Variants in ZNF740 observed in about 807,000 individuals in gnomAD.
ZNF740 encodes zinc finger protein 740.
In ZNF740, 14 loss-of-function variants were observed where a neutral mutation model predicts 24.8. The observed-to-expected ratio is 0.56, with a 90% confidence interval of 0.37 to 0.88. ZNF740 has a LOEUF of 0.88. Ranked by LOEUF, ZNF740 falls within the 40% of genes least tolerant of loss-of-function variation. The pLI, the probability that ZNF740 is intolerant of heterozygous loss-of-function variation, is 0.00. For missense variants in ZNF740, 201 were observed against 247.9 expected, an observed-to-expected ratio of 0.81 and a Z score of 1.27; for synonymous variants, 69 against 84.0, an observed-to-expected ratio of 0.82 and a Z score of 0.98.
In ZNF740 at chr12:53,194,374, G is replaced by C. The variant is rs149878080; in HGVS notation, c.*6784G>C. On this transcript the variant is annotated 3_prime_UTR_variant, in exon 7 of 7. Transcript: ENST00000416904. ...GGGAAGAGAGCGAGTGGATAACCAC[G>C]TGAAGGCAGAAAAGGACTCCAACCC... 2 of 1,611,374 alleles carry C rather than the reference G, an allele frequency of 1.2e-6. No homozygotes were observed. The highest frequency in any genetic ancestry group is 1.7e-6 in the Non-Finnish European group (2 of 1,178,410).
chr12:53,191,243 T>G lies in ZNF740; in HGVS notation c.*3653T>G. The G allele has an allele frequency of 2.8e-6, 1 of 351,270 alleles. No homozygotes were observed. The highest frequency in any genetic ancestry group is 5.5e-6 in the Non-Finnish European group (1 of 182,646). 21.8% of individuals were successfully genotyped at this position (351,270 alleles called of 1,614,324 possible). ...CTGCCCTCAGGTGGCAAGAGGAGGA[T>G]GGACAAGAGCTTTCCCGAGGCCCAG... On this transcript the variant is annotated 3_prime_UTR_variant, in exon 7 of 7. Coordinates refer to ENST00000416904, the MANE Select transcript of ZNF740 (RefSeq NM_001004304.4).
chr12:53,192,882 A>G lies in ZNF740; in HGVS notation c.*5292A>G. ...TGCCCGTGCGGTTGGCATGACAGTG[A>G]CATACTCCACATTGGCAGCGACCAA... On this transcript the variant is annotated 3_prime_UTR_variant, in exon 7 of 7. Transcript: ENST00000416904. 1 of 1,614,160 alleles carries G rather than the reference A, an allele frequency of 6.2e-7. No homozygotes were observed. The highest frequency in any genetic ancestry group is 1.3e-5 in the African/African-American group (1 of 75,060).
chr12:53,181,395 T>G, intron 1 of ZNF740: 6 of 985,206 alleles, frequency 6.1e-6, no homozygotes, highest in Non-Finnish European at 7.2e-6. Context: ...CCCCAAAGGG[T>G]CTCCGCCCCC....
At chr12:53,182,063 C>G (rs1323117266) in intron 2 of ZNF740, 71 bp downstream of exon 2, 1 of 1,568,198 alleles carries the variant, frequency 6.4e-7, no homozygotes, top group Non-Finnish European at 8.7e-7. Context: ...TGAATGCTGC[C>G]TTAGTCAACA....
At chr12:53,184,201 G>A (rs1372828093) in intron 2 of ZNF740, among the ~76,000 whole-genome samples, 1 of 149,246 alleles carries the variant, frequency 6.7e-6, no homozygotes, top group Non-Finnish European at 1.5e-5. Flanking sequence ...GTGTGTGTGT[G>A]AGTGACGGAG....
At chr12:53,182,153 G>T (rs957094206) in intron 2 of ZNF740, 161 bp downstream of exon 2, 14 of 1,004,208 alleles carry the variant, frequency 1.4e-5, no homozygotes, top group Non-Finnish European at 4.4e-6. Context: ...ACAGGCCACA[G>T]CCCCTGCCTT....
intron 2 of ZNF740, among the ~76,000 whole-genome samples, chr12:53,183,167 C>G (rs1039221884): frequency 6.6e-6 from 1 of 152,218 alleles, no homozygotes; most frequent in African/African-American, 2.4e-5. Context: ...GCATTGTATT[C>G]AGTCTTCTGA....
chr12:53,187,868 A>G lies in ZNF740; in HGVS notation c.*278A>G, dbSNP rs949207841. 3 of 447,974 alleles carry G rather than the reference A, an allele frequency of 6.7e-6. No individual in the cohort carries two copies. Among genetic ancestry groups the G allele is most frequent in the African/African-American group, 5.9e-5 (3 of 50,658 alleles). 27.7% of individuals were successfully genotyped at this position (447,974 alleles called of 1,614,324 possible). On this transcript the variant is annotated 3_prime_UTR_variant, in exon 7 of 7. Coordinates refer to ENST00000416904, the MANE Select transcript of ZNF740 (RefSeq NM_001004304.4). ...GGCTGAGGTCATAGGTGGGGACTCA[A>G]GGTACAGGACCAAGACTGAAGTGTG...
In ZNF740 at chr12:53,192,222, G is replaced by T; in HGVS notation, c.*4632G>T. ...CCTCTGCCTTTGTCCTGGATTCACA[G>T]TTCTGCTTCAGCCCCCAGCCTGTTT... On this transcript the variant is annotated 3_prime_UTR_variant, in exon 7 of 7. Coordinates refer to ENST00000416904, the MANE Select transcript of ZNF740 (RefSeq NM_001004304.4). 7.6e-7 allele frequency: 1 copy of T among 1,309,038 alleles called. No individual in the cohort carries two copies. The highest frequency in any genetic ancestry group is 1.1e-6 in the Non-Finnish European group (1 of 931,084). 81.1% of individuals were successfully genotyped at this position (1,309,038 alleles called of 1,614,324 possible).
rs1220463141 is a variant in ZNF740 at position 53,192,589 on chromosome 12, C to T, written c.*4999C>T. On this transcript the variant is annotated 3_prime_UTR_variant, in exon 7 of 7. Transcript: ENST00000416904. ...CCAGCTGGGCAGTTGTCACCCAATG[C>T]CCCTTGCCCAACTACAAGCAGGACG... is the stretch of plus-strand genomic sequence containing the variant. The T allele has an allele frequency of 1.9e-6, 3 of 1,598,270 alleles. No individual in the cohort carries two copies. The South Asian group carries it at 3.3e-5, about 18-fold the overall frequency.
At chr12:53,185,928 A>T (rs759387914) in intron 4 of ZNF740, 26 bp from the exon 5 acceptor site, 10 of 1,612,154 alleles carry the variant, frequency 6.2e-6, no homozygotes, top group Non-Finnish European at 8.5e-6. Context: ...TGGTGGCCTC[A>T]TGACATGCCT....
At chr12:53,181,314 C>T (rs917013964) in intron 1 of ZNF740, 1 of 985,446 alleles carries the variant, frequency 1.0e-6, no homozygotes, top group South Asian at 4.7e-5. Context: ...GGCCCTTGAG[C>T]TTTCCTCCAC....
rs984065782 is a variant in ZNF740 at position 53,187,733 on chromosome 12, C to G, written c.*143C>G. On this transcript the variant is annotated 3_prime_UTR_variant, in exon 7 of 7. Transcript: ENST00000416904. ...GACCCAGGAGACCAGAAGAGTGCAT[C>G]AGGGGACAGTGGCCCCAGAACCTCA... 4.6e-6 allele frequency: 3 copies of G among 650,084 alleles called. No individual in the cohort carries two copies. The highest frequency in any genetic ancestry group is 3.7e-5 in the African/African-American group (2 of 54,674). The allele number at this position is 650,084 out of a possible 1,614,324, so 40.3% of individuals were successfully genotyped here.
At chr12:53,181,160 AG>A (rs1046206051) in intron 1 of ZNF740, 6 of 984,578 alleles carry the variant, frequency 6.1e-6, no homozygotes, top group Non-Finnish European at 7.2e-6. Context: ...GGCCGGAGCG[AG>A]GCGGGCGACA....
In ZNF740 at chr12:53,189,650, G is replaced by C. The variant is rs1409493987; in HGVS notation, c.*2060G>C. On this transcript the variant is annotated 3_prime_UTR_variant, in exon 7 of 7. Transcript: ENST00000416904. The stretch of plus-strand genomic sequence containing the variant: ...CCCATTTGATGTGGTCCAGAACTTA[G>C]ACCTCAGTCCTTGGATCAGCCCTGT... 1 of 152,062 alleles carries C rather than the reference G, an allele frequency of 6.6e-6. No homozygotes were observed. Among genetic ancestry groups the C allele is most frequent in the Non-Finnish European group, 1.5e-5 (1 of 68,036 alleles). The allele number at this position is 152,062 out of a possible 1,614,324, so 9.4% of individuals were successfully genotyped here. A position where few individuals can be genotyped will look rare whatever the true frequency, so the allele number is the denominator to read the frequency against.
rs998219656 is a variant in ZNF740, at chr12:53,181,702, A to C, written c.-282A>C. On this transcript the variant is annotated 5_prime_UTR_variant, in exon 2 of 7. Transcript: ENST00000416904. ...GTTTCTGAAACAGATCGTGAGCTTC[A>C]TCAAGAGAATTCAACTGGAAAACCA... The C allele has an allele frequency of 1.1e-5, 5 of 468,592 alleles. No individual in the cohort carries two copies. The highest frequency in any genetic ancestry group is 1.8e-5 in the Non-Finnish European group (5 of 281,242). The allele number at this position is 468,592 out of a possible 1,614,324, so 29.0% of individuals were successfully genotyped here.
chr12:53,192,546 G>A lies in ZNF740; in HGVS notation c.*4956G>A, dbSNP rs1256919735. On this transcript the variant is annotated 3_prime_UTR_variant, in exon 7 of 7. Transcript: ENST00000416904. The stretch of plus-strand genomic sequence containing the variant: ...CCACACTCTGCACAGTCCCTGTGTA[G>A]TAGATGCCAATAGGTTACCAGCTGG... The A allele has an allele frequency of 6.2e-7, 1 of 1,613,442 alleles. No individual in the cohort carries two copies. The highest frequency in any genetic ancestry group is 2.2e-5 in the East Asian group (1 of 44,880).
rs1435296086 is a variant in ZNF740, at chr12:53,192,478, A to G, written c.*4888A>G. 1 of 1,614,054 alleles carries G rather than the reference A, an allele frequency of 6.2e-7. No individual in the cohort carries two copies. The highest frequency in any genetic ancestry group is 1.3e-5 in the African/African-American group (1 of 74,924). ...CCAGGGTCACATTGGTATGGGCACA[A>G]GCTGTACTGCAGTTGGTGGCCAGTG... is the stretch of plus-strand genomic sequence containing the variant. On this transcript the variant is annotated 3_prime_UTR_variant, in exon 7 of 7. Transcript: ENST00000416904.
chr12:53,184,363 AT>A (rs1941781543), intron 2 of ZNF740, among the ~76,000 whole-genome samples: 1 of 151,914 alleles, frequency 6.6e-6, no homozygotes, highest in East Asian at 1.9e-4. Flanking sequence ...TAATTCTTGT[AT>A]TTTTAGTATA....
Sources: gnomAD v4.1 joint callset for allele counts (sites outside exome capture counted in the v4.1 genomes callset) on GRCh38, gnomAD v4.1.1 for gene constraint, MANE v1.5 for transcripts, NCBI Gene and HGNC (gene_info 2026-07-23, HGNC 2026-07-21) for gene names.